The following QRFPR variants were observed in gnomAD, a reference collection of about 807,000 sequenced individuals.
QRFPR encodes the protein pyroglutamylated RF-amide peptide receptor.
In QRFPR, 37 loss-of-function variants were observed where a neutral mutation model predicts 31.3. The ratio of observed to expected loss-of-function variants is 1.18; its 90% CI spans 0.91 to 1.56. QRFPR has a LOEUF of 1.56. Among genes scored for constraint, QRFPR ranks in the 40% most tolerant of loss-of-function variants. The pLI, the probability that QRFPR is intolerant of heterozygous loss-of-function variation, is 0.00. For synonymous variants in QRFPR, 197 were observed against 192.0 expected (o/e 1.03, Z -0.22); for missense variants, 542 against 532.5 (o/e 1.02, Z -0.18).
intron 1 of QRFPR, chr4:121,370,221 G>A (rs1726208895): frequency 2.6e-6 from 2 of 776,538 alleles, no homozygotes; most frequent in Non-Finnish European, 4.8e-6. Flanking sequence ...AGGAGTCATG[G>A]GTGCAGGGTC....
intron 1 of QRFPR, among the ~76,000 whole-genome samples, chr4:121,345,164 A>C (rs1024060021): frequency 1.1e-4 from 17 of 152,208 alleles, no homozygotes; most frequent in African/African-American, 4.1e-4. Flanking sequence ...CCTACTTAGG[A>C]GGACAAAGCA....
intron 1 of QRFPR, among the ~76,000 whole-genome samples, chr4:121,367,642 A>T (rs773402045): frequency 6.7e-6 from 1 of 150,280 alleles, no homozygotes; most frequent in Non-Finnish European, 1.5e-5. Flanking sequence ...ATTATTCTAC[A>T]CACAAATGTA....
chr4:121,360,532 C>A (rs1487858581), intron 1 of QRFPR, among the ~76,000 whole-genome samples: 1 of 152,068 alleles, frequency 6.6e-6, no homozygotes, highest in Non-Finnish European at 1.5e-5. Context: ...TAGCCTGACT[C>A]CCCTGATAGT....
intron 1 of QRFPR, among the ~76,000 whole-genome samples, chr4:121,367,351 A>T (rs1185801686): frequency 6.7e-6 from 1 of 150,052 alleles, no homozygotes; most frequent in East Asian, 2.0e-4. Context: ...TCCTCTAGAG[A>T]TGTATTATTG....
At position 121,357,879 on chromosome 4, in the gene QRFPR, G is replaced by A. The variant is rs971321230; in HGVS notation, c.341-17269C>T. Among the ~76,000 whole-genome samples the A allele has an allele frequency of 2.6e-5, 4 of 152,240 alleles. No homozygotes were observed. The East Asian group carries it at 7.7e-4, about 29-fold the overall frequency. On this transcript the variant is annotated intron_variant, in intron 1 of 5. Coordinates refer to ENST00000394427, the MANE Select transcript of QRFPR (RefSeq NM_198179.3). ...GCTTCAGGGGGAGAGGATATTCTTT[G>A]TCTTTCACTCAGATTTATTTTATAT...
chr4:121,363,801 C>T lies in QRFPR; in HGVS notation c.340+16507G>A, dbSNP rs1282854937. ...CTTCACTCTTTCACTAAGAGAAAGC[C>T]TTGCTGAATATTTCCCTGTACTGGC... On this transcript the variant is annotated intron_variant, in intron 1 of 5. Transcript: ENST00000394427. Among the ~76,000 whole-genome samples, 3 of 149,870 alleles carry T rather than the reference C, an allele frequency of 2.0e-5. No homozygotes were observed. The East Asian group carries it at 6.0e-4, about 30-fold the overall frequency.
chr4:121,377,704 T>G (rs1726384119), intron 1 of QRFPR, among the ~76,000 whole-genome samples: 1 of 152,198 alleles, frequency 6.6e-6, no homozygotes, highest in Non-Finnish European at 1.5e-5. Context: ...GGATCCTTTT[T>G]CTATCAAATC....
chr4:121,349,932 G>A (rs764670813), intron 1 of QRFPR, among the ~76,000 whole-genome samples: 1 of 152,126 alleles, frequency 6.6e-6, no homozygotes, highest in African/African-American at 2.4e-5. Context: ...AAAAATGCAG[G>A]TAAAATTTAC....
At chr4:121,356,949 T>C (rs568198266) in intron 1 of QRFPR, among the ~76,000 whole-genome samples, 1 of 152,170 alleles carries the variant, frequency 6.6e-6, no homozygotes, top group Admixed American at 6.5e-5. Context: ...TTGAAGAATA[T>C]GCCCACACAA....
At chr4:121,331,751 C>T (rs1427056957) in intron 4 of QRFPR, among the ~76,000 whole-genome samples, 1 of 151,684 alleles carries the variant, frequency 6.6e-6, no homozygotes, top group Non-Finnish European at 1.5e-5. Flanking sequence ...CCATCAGGTT[C>T]AAGCAATTCT....
At chr4:121,370,877 C>G (rs1306049874) in intron 1 of QRFPR, among the ~76,000 whole-genome samples, 1 of 152,176 alleles carries the variant, frequency 6.6e-6, no homozygotes, top group African/African-American at 2.4e-5. Context: ...AAAGCTTGAT[C>G]TAAAACCTGT....
chr4:121,361,101 G>T (rs1342648332), intron 1 of QRFPR, among the ~76,000 whole-genome samples: 1 of 133,534 alleles, frequency 7.5e-6, no homozygotes, highest in African/African-American at 2.8e-5. Flanking sequence ...ATTTAACTCT[G>T]AAAATCCAGC....
intron 2 of QRFPR, chr4:121,340,223 G>A (rs1041157409): frequency 4.0e-6 from 2 of 498,776 alleles, no homozygotes; most frequent in Non-Finnish European, 7.2e-6. Flanking sequence ...CGTTTAAGAT[G>A]TAAACTGAAA....
chr4:121,339,798 A>T (rs992669022), intron 2 of QRFPR, among the ~76,000 whole-genome samples: 2 of 151,762 alleles, frequency 1.3e-5, no homozygotes, highest in African/African-American at 4.8e-5. Flanking sequence ...TACCAAAAAT[A>T]AAAAAAATTA....
At chr4:121,352,139 T>C (rs1725772425) in intron 1 of QRFPR, among the ~76,000 whole-genome samples, 2 of 152,162 alleles carry the variant, frequency 1.3e-5, no homozygotes, top group Non-Finnish European at 2.9e-5. Flanking sequence ...GTATTTGTTC[T>C]ATACATTCAT....
At chr4:121,379,838 G>A (rs537001308) in intron 1 of QRFPR, among the ~76,000 whole-genome samples, 33 of 152,276 alleles carry the variant, frequency 2.2e-4, no homozygotes, top group African/African-American at 7.7e-4. Flanking sequence ...GAGGGTGGGG[G>A]AATGAGGAAA....
At chr4:121,377,026 A>C (rs964175492) in intron 1 of QRFPR, among the ~76,000 whole-genome samples, 3 of 152,016 alleles carry the variant, frequency 2.0e-5, no homozygotes, top group Admixed American at 6.5e-5. Context: ...TAGCATTGTC[A>C]GAAATATTTG....
At position 121,328,795 on chromosome 4, in the gene QRFPR, G is replaced by T. The variant is rs1468395037; in HGVS notation, c.*519C>A. On this transcript the variant is annotated 3_prime_UTR_variant, in exon 6 of 6. Coordinates refer to ENST00000394427, the MANE Select transcript of QRFPR (RefSeq NM_198179.3). Reference sequence around the variant, plus strand: ...TTGAGACGGGGAGTCTCGCTCTTTCGCCCAGGCTGGAGTGCAGTGGCATGA... The same window carrying T: ...TTGAGACGGGGAGTCTCGCTCTTTCTCCCAGGCTGGAGTGCAGTGGCATGA... 6.6e-6 allele frequency among the ~76,000 whole-genome samples: 1 copy of T among 151,922 alleles called. No homozygotes were observed. The highest frequency in any genetic ancestry group is 2.4e-5 in the African/African-American group (1 of 41,344).
At chr4:121,330,610 A>C (rs1725303952) in intron 4 of QRFPR, 87 bp from the exon 5 acceptor site, 13 of 915,842 alleles carry the variant, frequency 1.4e-5, no homozygotes, top group Non-Finnish European at 1.9e-5. Flanking sequence ...GTCTGAGCTT[A>C]GTTCACTCAA....
Sources: allele counts gnomAD v4.1 joint callset (sites outside exome capture counted in the v4.1 genomes callset), GRCh38; gene constraint gnomAD v4.1.1; transcripts MANE v1.5; gene names NCBI Gene and HGNC (gene_info 2026-07-23, HGNC 2026-07-21).